Variants in RANBP2 observed in about 807,000 individuals in gnomAD.
RANBP2 encodes RAN binding protein 2.
RANBP2 carries 57 observed loss-of-function variants against 303.6 expected under a neutral mutation model. That is an observed-to-expected ratio of 0.19 (90% confidence interval 0.15 to 0.23). The LOEUF (loss-of-function observed/expected upper bound fraction) is 0.23, where lower values mean the gene tolerates loss of function less well. RANBP2 is among the 10% of genes least tolerant of loss of function. The pLI, the probability that RANBP2 is intolerant of heterozygous loss-of-function variation, is 1.00. For missense variants in RANBP2, 3,138 were observed against 3,780.8 expected, an observed-to-expected ratio of 0.83 and a Z score of 4.46; for synonymous variants, 1,167 against 1,301.5, an observed-to-expected ratio of 0.90 and a Z score of 2.23.
chr2:109,370,154 G>A, the RANBP2 span, among the ~76,000 whole-genome samples: 1 of 152,144 alleles, frequency 6.6e-6, no homozygotes, highest in Non-Finnish European at 1.5e-5. Context: ...AGGCCCCTTG[G>A]AGTGGCACCC....
chr2:108,857,065 GCTTTTT>G, the RANBP2 span: 2 of 55,344 alleles, frequency 3.6e-5, no homozygotes, highest in Non-Finnish European at 6.7e-5. Flanking sequence ...AGATACTATT[GCTTTTT>G]TTTTTTTTTT....
At chr2:109,484,729 C>G in the RANBP2 span, among the ~76,000 whole-genome samples, 1 of 152,126 alleles carries the variant, frequency 6.6e-6, no homozygotes, top group Non-Finnish European at 1.5e-5. Context: ...AAGGGTATAA[C>G]AAAACTGAAG....
At chr2:108,830,028 A>G in the RANBP2 span, among the ~76,000 whole-genome samples, 3 of 152,338 alleles carry the variant, frequency 2.0e-5, no homozygotes, top group East Asian at 5.8e-4. Context: ...GTAAATGCTC[A>G]TCCATGGATG....
At chr2:109,726,906 T>C in the RANBP2 span, among the ~76,000 whole-genome samples, 1 of 152,200 alleles carries the variant, frequency 6.6e-6, no homozygotes, top group African/African-American at 2.4e-5. Context: ...CTACATGACA[T>C]GCCCTGTTAA....
At chr2:109,538,999 A>AT in the RANBP2 span, among the ~76,000 whole-genome samples, 1 of 152,188 alleles carries the variant, frequency 6.6e-6, no homozygotes, top group Non-Finnish European at 1.5e-5. Context: ...AGGTATTTAC[A>AT]TATCATAAAC....
At chr2:109,265,855 A>C in the RANBP2 span, among the ~76,000 whole-genome samples, 285 of 152,348 alleles carry the variant, frequency 1.9e-3, no homozygotes, top group Non-Finnish European at 3.5e-3. Context: ...GGGGGTGGAC[A>C]CCACTGAGCT....
the RANBP2 span, among the ~76,000 whole-genome samples, chr2:109,166,503 C>A: frequency 1.3e-5 from 2 of 150,262 alleles, no homozygotes; most frequent in African/African-American, 4.9e-5. Context: ...ACCTCTATGT[C>A]AAGCTCATTG....
At chr2:108,814,997 G>T in the RANBP2 span, among the ~76,000 whole-genome samples, 1 of 151,766 alleles carries the variant, frequency 6.6e-6, no homozygotes, top group Non-Finnish European at 1.5e-5. Flanking sequence ...ATGTGTAGTG[G>T]TATCTTATTA....
chr2:108,743,360 C>T lies in RANBP2; in HGVS notation c.975+2679C>T, dbSNP rs1696270179. 4.6e-5 allele frequency among the ~76,000 whole-genome samples: 7 copies of T among 152,302 alleles called. No homozygotes were observed. The South Asian group carries it at 1.5e-3, about 32-fold the overall frequency. On this transcript the variant is annotated intron_variant, in intron 7 of 28. Transcript: ENST00000283195. ...TCATAGCTCACTGCATCCTCGAACTCCTGGGCTCAAGTGATCCTCTCCTGC... is the reference window on the plus strand; with the variant it reads ...TCATAGCTCACTGCATCCTCGAACTTCTGGGCTCAAGTGATCCTCTCCTGC...
the RANBP2 span, among the ~76,000 whole-genome samples, chr2:109,433,315 T>C: frequency 2.6e-5 from 4 of 152,224 alleles, no homozygotes; most frequent in Admixed American, 1.3e-4. Flanking sequence ...GGTCGCATTG[T>C]GGTAATATAT....
chr2:108,851,298 G>GTTGT, the RANBP2 span, among the ~76,000 whole-genome samples: 43 of 152,052 alleles, frequency 2.8e-4, no homozygotes, highest in African/African-American at 8.9e-4. Flanking sequence ...TTTGTTTTTT[G>GTTGT]TTGTTTGTTT....
In RANBP2 at chr2:108,730,854, A is replaced by G; in HGVS notation, c.221A>G (p.Glu74Gly). ...CTGGGTCTTCTTTATGAATTGGAAG[A>G]AAACACAGACAAAGCCGTTGAATGT... Reference protein sequence around the residue: ...RFLGLLYELEENTDKAVECYR... With the variant: ...RFLGLLYELEGNTDKAVECYR... The change falls in exon 3 of 29, where the codon GAA becomes GGA. Residue 74 changes from glutamate (E) to glycine (G), a missense_variant. Transcript: ENST00000283195. 1 of 1,611,712 alleles carries G rather than the reference A, an allele frequency of 6.2e-7. No homozygotes were observed. Among genetic ancestry groups the G allele is most frequent in the Non-Finnish European group, 8.5e-7 (1 of 1,179,676 alleles).
the RANBP2 span, among the ~76,000 whole-genome samples, chr2:108,990,920 C>T: frequency 0.17 from 25,890 of 152,120 alleles, 3,825 homozygotes; most frequent in East Asian, 0.83. Context: ...TGTTCTACTC[C>T]ATATAATTTT....
At chr2:109,158,773 A>C in the RANBP2 span, among the ~76,000 whole-genome samples, 2 of 152,228 alleles carry the variant, frequency 1.3e-5, no homozygotes, top group African/African-American at 4.8e-5. Context: ...TTTCAAAGCA[A>C]GTAGCAATGG....
the RANBP2 span, among the ~76,000 whole-genome samples, chr2:109,090,332 A>C: frequency 7.0e-6 from 1 of 142,676 alleles, no homozygotes; most frequent in Non-Finnish European, 1.6e-5. Flanking sequence ...ACACACACAC[A>C]CACACACACA....
At chr2:109,290,099 G>T in the RANBP2 span, among the ~76,000 whole-genome samples, 1,618 of 152,314 alleles carry the variant, frequency 0.011, 38 homozygotes, top group African/African-American at 0.037. Flanking sequence ...AATGCTGCTG[G>T]TCCGTGGACC....
chr2:109,281,312 C>G, the RANBP2 span, among the ~76,000 whole-genome samples: 1 of 152,220 alleles, frequency 6.6e-6, no homozygotes, highest in Non-Finnish European at 1.5e-5. Context: ...CCTCTTGCCT[C>G]TTCCTTCCCC....
At chr2:109,462,537 A>C in the RANBP2 span, among the ~76,000 whole-genome samples, 1 of 152,064 alleles carries the variant, frequency 6.6e-6, no homozygotes, top group Non-Finnish European at 1.5e-5. Flanking sequence ...GGTGAGAATC[A>C]CCACCCCTGT....
chr2:109,041,650 G>A, the RANBP2 span, among the ~76,000 whole-genome samples: 646 of 149,232 alleles, frequency 4.3e-3, 6 homozygotes, highest in African/African-American at 0.015. Context: ...GCCTCCCGAG[G>A]AGCTCGGACT....
Sources: allele counts gnomAD v4.1 joint callset (sites outside exome capture counted in the v4.1 genomes callset), GRCh38; gene constraint gnomAD v4.1.1; transcripts MANE v1.5; gene names NCBI Gene and HGNC (gene_info 2026-07-23, HGNC 2026-07-21).